Variants in PARD3 observed in about 807,000 individuals in gnomAD.
PARD3 encodes par-3 family cell polarity regulator, also known as partitioning defective 3 homolog.
In PARD3, 75 loss-of-function variants were observed where a neutral mutation model predicts 155.4. The ratio of observed to expected loss-of-function variants is 0.48; its 90% CI spans 0.40 to 0.58. The LOEUF (loss-of-function observed/expected upper bound fraction) is 0.58, where lower values mean the gene tolerates loss of function less well. Among genes scored for constraint, PARD3 ranks in the 20% least tolerant of loss-of-function variants. The pLI is 0.00. For synonymous variants in PARD3, 576 were observed against 610.5 expected (o/e 0.94, Z 0.83); for missense variants, 1,642 against 1,721.7 (o/e 0.95, Z 0.82).
chr10:34,477,155 G>C (rs966044591), intron 3 of PARD3, among the ~76,000 whole-genome samples: 1 of 152,170 alleles, frequency 6.6e-6, no homozygotes, highest in African/African-American at 2.4e-5. Flanking sequence ...GTTCATTACA[G>C]TAATTAGAAA....
intron 22 of PARD3, among the ~76,000 whole-genome samples, chr10:34,137,014 G>A (rs1275620774): frequency 6.6e-6 from 1 of 152,128 alleles, no homozygotes; most frequent in Non-Finnish European, 1.5e-5. Context: ...TGGATTTAAG[G>A]TGGCCCTAAT....
At chr10:34,348,378 T>A (rs1005832490) in intron 14 of PARD3, among the ~76,000 whole-genome samples, 4 of 152,244 alleles carry the variant, frequency 2.6e-5, no homozygotes, top group African/African-American at 9.6e-5. Context: ...AAGGCTTTTT[T>A]AAAATCAGAG....
intron 22 of PARD3, among the ~76,000 whole-genome samples, chr10:34,169,882 C>T (rs990346330): frequency 1.3e-5 from 2 of 152,130 alleles, no homozygotes; most frequent in Non-Finnish European, 2.9e-5. Flanking sequence ...TTTTAGACAG[C>T]CTCCCCTGCC....
At chr10:34,684,828 CACATATAT>C (rs1304175690) in intron 2 of PARD3, among the ~76,000 whole-genome samples, 19 of 91,202 alleles carry the variant, frequency 2.1e-4, no homozygotes, top group African/African-American at 7.6e-4. Context: ...CACACACACA[CACATATAT>C]ACACACACAC....
chr10:34,284,023 A>G (rs1956272649), intron 21 of PARD3, 112 bp downstream of exon 21: 4 of 678,932 alleles, frequency 5.9e-6, no homozygotes, highest in Non-Finnish European at 1.0e-5. Flanking sequence ...TTGATACAGG[A>G]AATATGAAGA....
At chr10:34,510,628 A>G (rs2081349378) in intron 3 of PARD3, among the ~76,000 whole-genome samples, 1 of 152,310 alleles carries the variant, frequency 6.6e-6, no homozygotes, top group South Asian at 2.1e-4. Flanking sequence ...AAAAAGTTCA[A>G]AGAGAAAAGT....
intron 7 of PARD3, among the ~76,000 whole-genome samples, chr10:34,396,704 G>A (rs1843382936): frequency 6.6e-6 from 1 of 151,740 alleles, no homozygotes; most frequent in South Asian, 2.1e-4. Flanking sequence ...TTTATATAAG[G>A]GAAGTTATCT....
chr10:34,491,494 T>C (rs982147976), intron 3 of PARD3, among the ~76,000 whole-genome samples: 2 of 152,244 alleles, frequency 1.3e-5, no homozygotes, highest in African/African-American at 2.4e-5. Flanking sequence ...AATATGTTTA[T>C]GTTTGTCCCT....
At chr10:34,778,116 C>T (rs996117862) in intron 1 of PARD3, among the ~76,000 whole-genome samples, 7 of 152,224 alleles carry the variant, frequency 4.6e-5, no homozygotes, top group Non-Finnish European at 8.8e-5. Context: ...AATGGCGCAG[C>T]ATTTGCATAT....
At chr10:34,646,401 TC>T (rs1463106143) in intron 2 of PARD3, among the ~76,000 whole-genome samples, 1 of 152,190 alleles carries the variant, frequency 6.6e-6, no homozygotes, top group Non-Finnish European at 1.5e-5. Context: ...TTCACCTCTC[TC>T]CCCAGGGTGT....
chr10:34,469,517 TGAAGACTA>T (rs1415382695), intron 4 of PARD3, among the ~76,000 whole-genome samples: 14 of 152,352 alleles, frequency 9.2e-5, no homozygotes, highest in African/African-American at 3.4e-4. Flanking sequence ...GAAAGTATTA[TGAAGACTA>T]GACAACACAC....
At chr10:34,607,658 A>G (rs199825535) in intron 2 of PARD3, among the ~76,000 whole-genome samples, 5 of 152,344 alleles carry the variant, frequency 3.3e-5, no homozygotes, top group South Asian at 2.1e-4. Flanking sequence ...TTTGGCACCT[A>G]TAAGATACTT....
intron 4 of PARD3, among the ~76,000 whole-genome samples, chr10:34,452,989 A>G (rs1284493465): frequency 6.6e-6 from 1 of 152,188 alleles, no homozygotes; most frequent in Non-Finnish European, 1.5e-5. Flanking sequence ...AAATTTTAAC[A>G]GTGGCCTTCT....
intron 3 of PARD3, among the ~76,000 whole-genome samples, chr10:34,493,543 C>A (rs1036951061): frequency 6.6e-6 from 1 of 152,038 alleles, no homozygotes; most frequent in African/African-American, 2.4e-5. Context: ...ACCAGCCTGG[C>A]TAACATGGTA....
intron 22 of PARD3, among the ~76,000 whole-genome samples, chr10:34,249,950 G>A (rs2133726809): frequency 6.6e-6 from 1 of 152,254 alleles, no homozygotes; most frequent in South Asian, 2.1e-4. Context: ...GTATATGCAT[G>A]GATAGCAATC....
chr10:34,326,410 T>C (rs1405958317), intron 19 of PARD3, among the ~76,000 whole-genome samples: 3 of 152,170 alleles, frequency 2.0e-5, no homozygotes, highest in Non-Finnish European at 4.4e-5. Flanking sequence ...AGAACAAGTA[T>C]TTTTATAGAT....
chr10:34,308,877 G>C (rs186511646), intron 20 of PARD3, among the ~76,000 whole-genome samples: 306 of 152,252 alleles, frequency 2.0e-3, no homozygotes, highest in Admixed American at 4.6e-3. Context: ...ACAGAGTATG[G>C]CACAGAATTA....
chr10:34,582,487 C>T (rs1590106113), intron 2 of PARD3, among the ~76,000 whole-genome samples: 1 of 152,350 alleles, frequency 6.6e-6, no homozygotes, highest in South Asian at 2.1e-4. Context: ...CTTGTAGCCA[C>T]TTGTCCACAA....
At chr10:34,422,799 G>A (rs2075387973) in intron 5 of PARD3, among the ~76,000 whole-genome samples, 2 of 152,172 alleles carry the variant, frequency 1.3e-5, no homozygotes, top group South Asian at 4.1e-4. Context: ...TAAAGAGGAT[G>A]TGGACAAAGG....
Sources: gnomAD v4.1 joint callset for allele counts (sites outside exome capture counted in the v4.1 genomes callset) on GRCh38, gnomAD v4.1.1 for gene constraint, MANE v1.5 for transcripts, NCBI Gene and HGNC (gene_info 2026-07-23, HGNC 2026-07-21) for gene names.